The following RPS6KA6 variants were observed in gnomAD, a reference collection of about 807,000 sequenced individuals.
RPS6KA6 encodes the protein ribosomal protein S6 kinase alpha-6.
In RPS6KA6, 27 loss-of-function variants were observed where a neutral mutation model predicts 65.4. The observed-to-expected ratio is 0.41, with a 90% CI of 0.30 to 0.57. The LOEUF (loss-of-function observed/expected upper bound fraction) is 0.57. RPS6KA6 is among the 20% of genes least tolerant of loss of function. The probability of loss-of-function intolerance (pLI) is 0.24; values close to 1 mark genes in which losing one functional copy is unlikely to be tolerated. For missense variants in RPS6KA6, 486 were observed against 555.6 expected (o/e 0.87, Z 1.26); for synonymous variants, 190 against 184.2 (o/e 1.03, Z -0.26).
intron 20 of RPS6KA6, among the ~76,000 whole-genome samples, chrX:84,093,225 T>G (rs1348554315): frequency 8.9e-6 from 1 of 111,823 alleles, no homozygotes. Context: ...TGGGTACAAG[T>G]TAATCTTTTT....
chrX:84,102,495 T>A (rs2034278331), intron 17 of RPS6KA6, among the ~76,000 whole-genome samples: 1 of 110,381 alleles, frequency 9.1e-6, no homozygotes, highest in African/African-American at 3.3e-5. Context: ...ATGCCATAAT[T>A]TATATCACTT....
chrX:84,154,886 C>A (rs1323173510), intron 3 of RPS6KA6, among the ~76,000 whole-genome samples: 1 of 111,944 alleles, frequency 8.9e-6, no homozygotes, highest in Admixed American at 9.6e-5. Flanking sequence ...AAGATGACAT[C>A]TATTTTATAG....
At chrX:84,124,382 T>C (rs151022901) in intron 8 of RPS6KA6, among the ~76,000 whole-genome samples, 1,756 of 111,901 alleles carry the variant, frequency 0.016, 19 homozygotes, top group Non-Finnish European at 0.025. Flanking sequence ...AATAGCTCTG[T>C]TGAGGAAACT....
At position 84,063,326 on chromosome X, in the gene RPS6KA6, T is replaced by A. The variant is rs949752555; in HGVS notation, c.*951A>T. On this transcript the variant is annotated 3_prime_UTR_variant, in exon 22 of 22. Transcript: ENST00000262752. ...TTCAAGGTAGAATGATATGCTACACTGTACTTCAAAGCACATCGAAGTCAG... is the reference window on the plus strand; with the variant it reads ...TTCAAGGTAGAATGATATGCTACACAGTACTTCAAAGCACATCGAAGTCAG... 2 of 100,031 alleles carry A rather than the reference T, an allele frequency of 2.0e-5. No homozygotes were observed. The highest frequency in any genetic ancestry group is 4.1e-5 in the Non-Finnish European group (2 of 48,218). The allele number at this position is 100,031 out of a possible 1,213,427, so 8.2% of individuals were successfully genotyped here.
At chrX:84,092,108 T>C (rs2034058843) in intron 20 of RPS6KA6, among the ~76,000 whole-genome samples, 1 of 110,983 alleles carries the variant, frequency 9.0e-6, no homozygotes, top group African/African-American at 3.3e-5. Context: ...ACCTAGGTGA[T>C]GGGTTGATAG....
At chrX:84,134,005 T>C (rs1389096489) in intron 8 of RPS6KA6, among the ~76,000 whole-genome samples, 2 of 112,282 alleles carry the variant, frequency 1.8e-5, no homozygotes, top group Non-Finnish European at 3.8e-5. Context: ...CTATTTAAAA[T>C]TATCTGTAAA....
At position 84,059,531 on chromosome X, in the gene RPS6KA6, T is replaced by C. The variant is rs963163775; in HGVS notation, c.*4746A>G. 1 of 111,855 alleles carries C rather than the reference T, an allele frequency of 8.9e-6. No individual in the cohort carries two copies. The highest frequency in any genetic ancestry group is 9.5e-5 in the Admixed American group (1 of 10,522). The allele number at this position is 111,855 out of a possible 1,213,427, so 9.2% of individuals were successfully genotyped here. Reference sequence around the variant, plus strand: ...TTATAAGCAGCAATTTCAGAGAGAATGAATTTGGAAAGAGAAAGAAAATGT... The same window carrying C: ...TTATAAGCAGCAATTTCAGAGAGAACGAATTTGGAAAGAGAAAGAAAATGT... On this transcript the variant is annotated 3_prime_UTR_variant, in exon 22 of 22. Coordinates refer to ENST00000262752, the MANE Select transcript of RPS6KA6 (RefSeq NM_014496.5).
chrX:84,127,257 C>T (rs886127658), intron 8 of RPS6KA6, among the ~76,000 whole-genome samples: 2 of 110,740 alleles, frequency 1.8e-5, no homozygotes, highest in Admixed American at 1.9e-4. Flanking sequence ...TTCCTTGTCA[C>T]GTAAAACCTA....
intron 5 of RPS6KA6, 57 bp from the exon 6 acceptor site, chrX:84,145,614 T>C (rs2035185322): frequency 4.7e-6 from 3 of 639,008 alleles, no homozygotes; most frequent in Non-Finnish European, 7.1e-6. Context: ...AAAAGCTTAG[T>C]ATGCTTTTAA....
intron 6 of RPS6KA6, among the ~76,000 whole-genome samples, chrX:84,136,665 T>G (rs1303218246): frequency 1.8e-5 from 2 of 111,586 alleles, no homozygotes; most frequent in Non-Finnish European, 3.8e-5. Flanking sequence ...CTTTGCCTAG[T>G]TACAGTTATG....
Position 84,114,196 on chromosome X carries a change from G to A in RPS6KA6, c.1008+2033C>T, listed in dbSNP as rs745395359. 2.6e-3 allele frequency among the ~76,000 whole-genome samples: 293 copies of A among 111,304 alleles called. 2 individuals are homozygous for A. The highest frequency in any genetic ancestry group is 9.2e-3 in the African/African-American group (282 of 30,634). On this transcript the variant is annotated intron_variant, in intron 12 of 21. Transcript: ENST00000262752. ...TTGAAAGAATCAATATCATTAAAAT[G>A]ACCATACCAGTCCAGGCACAGTGGT...
intron 20 of RPS6KA6, among the ~76,000 whole-genome samples, chrX:84,071,500 T>C (rs925998967): frequency 9.0e-5 from 10 of 111,626 alleles, no homozygotes; most frequent in African/African-American, 2.6e-4. Context: ...AGTATGAAAC[T>C]GTTTCCAGTA....
At chrX:84,178,469 T>C in intron 1 of RPS6KA6, among the ~76,000 whole-genome samples, 1 of 112,072 alleles carries the variant, frequency 8.9e-6, no homozygotes, top group Middle Eastern at 4.2e-3. Context: ...ATTATTTTGT[T>C]TTTTAACAAA....
At chrX:84,153,332 C>T (rs1301760494) in intron 3 of RPS6KA6, among the ~76,000 whole-genome samples, 2 of 110,894 alleles carry the variant, frequency 1.8e-5, no homozygotes, top group African/African-American at 3.3e-5. Context: ...TATATAAGGA[C>T]GACTAATCAG....
At chrX:84,069,097 T>C (rs1257261001) in intron 20 of RPS6KA6, among the ~76,000 whole-genome samples, 1 of 111,956 alleles carries the variant, frequency 8.9e-6, no homozygotes, top group Non-Finnish European at 1.9e-5. Context: ...AAAGAGCCCA[T>C]ATAGCCAAAA....
intron 20 of RPS6KA6, among the ~76,000 whole-genome samples, chrX:84,067,693 T>A (rs1450144187): frequency 9.0e-6 from 1 of 111,575 alleles, no homozygotes; most frequent in African/African-American, 3.3e-5. Context: ...GAAAACACAA[T>A]TCAAGATATC....
At chrX:84,114,728 C>G (rs1324584837) in intron 12 of RPS6KA6, among the ~76,000 whole-genome samples, 1 of 111,751 alleles carries the variant, frequency 8.9e-6, no homozygotes, top group Non-Finnish European at 1.9e-5. Flanking sequence ...GCTATAGTAA[C>G]TAAAACAGCA....
intron 18 of RPS6KA6, among the ~76,000 whole-genome samples, chrX:84,101,429 A>G (rs1272647892): frequency 2.7e-5 from 3 of 110,480 alleles, no homozygotes; most frequent in Admixed American, 9.8e-5. Context: ...CCCTAAGAGC[A>G]TCACCTTTCC....
intron 3 of RPS6KA6, among the ~76,000 whole-genome samples, chrX:84,150,745 T>G (rs1242112082): frequency 2.9e-5 from 3 of 104,947 alleles, no homozygotes; most frequent in Non-Finnish European, 5.8e-5. Flanking sequence ...AGGAAAACAT[T>G]TGAAACACTG....
Sources: allele counts gnomAD v4.1 joint callset (sites outside exome capture counted in the v4.1 genomes callset), GRCh38; gene constraint gnomAD v4.1.1; transcripts MANE v1.5; gene names NCBI Gene and HGNC (gene_info 2026-07-23, HGNC 2026-07-21).